Variants in NEDD4L observed in about 807,000 individuals in gnomAD.
The protein encoded by NEDD4L is E3 ubiquitin-protein ligase NEDD4-like.
A neutral mutation model predicts 148.9 loss-of-function variants in NEDD4L; 54 were observed. That is an observed-to-expected ratio of 0.36 (90% CI 0.29 to 0.45). The LOEUF (loss-of-function observed/expected upper bound fraction) is 0.45, where lower values mean the gene tolerates loss of function less well. NEDD4L is among the 20% of genes least tolerant of loss of function. The pLI is 1.00. For synonymous variants in NEDD4L, 433 were observed against 440.7 expected (o/e 0.98, Z 0.22); for missense variants, 856 against 1,233.8 (o/e 0.69, Z 4.59).
At chr18:58,050,213 G>C (rs997203054) in intron 1 of NEDD4L, among the ~76,000 whole-genome samples, 4 of 152,074 alleles carry the variant, frequency 2.6e-5, no homozygotes, top group Non-Finnish European at 5.9e-5. Flanking sequence ...CAGCACGTTG[G>C]AGGCCAAGGC....
intron 2 of NEDD4L, among the ~76,000 whole-genome samples, chr18:58,233,430 G>A (rs1162520242): frequency 6.6e-6 from 1 of 152,180 alleles, no homozygotes. Flanking sequence ...TGAAAGCCAA[G>A]GGAAAGGGGA....
chr18:58,066,719 T>G (rs1360745175), intron 1 of NEDD4L, among the ~76,000 whole-genome samples: 1 of 152,186 alleles, frequency 6.6e-6, no homozygotes, highest in Non-Finnish European at 1.5e-5. Flanking sequence ...TACAGGCTTC[T>G]GCTTCTGGGG....
intron 2 of NEDD4L, among the ~76,000 whole-genome samples, chr18:58,199,060 G>A (rs536518962): frequency 1.3e-5 from 2 of 152,284 alleles, no homozygotes; most frequent in South Asian, 2.1e-4. Context: ...CCAAAGTGCT[G>A]GGATTACAGG....
In NEDD4L at chr18:58,209,117, A is replaced by G. The variant is rs890054199; in HGVS notation, c.123-36310A>G. ...GGATAAGAAAGATAATAGATAAGAG[A>G]TTATAGTTCAAACTCGGCCTGCACT... On this transcript the variant is annotated intron_variant, in intron 2 of 30. Coordinates refer to ENST00000400345, the MANE Select transcript of NEDD4L (RefSeq NM_001144967.3). Among the ~76,000 whole-genome samples the G allele has an allele frequency of 2.7e-5, 4 of 150,048 alleles. No homozygotes were observed. The South Asian group carries it at 8.6e-4, about 32-fold the overall frequency.
chr18:58,228,304 C>T (rs1158510986), intron 2 of NEDD4L, among the ~76,000 whole-genome samples: 4 of 152,168 alleles, frequency 2.6e-5, no homozygotes, highest in African/African-American at 9.7e-5. Flanking sequence ...AGCTTGAGGG[C>T]CAGGAAGCCT....
intron 1 of NEDD4L, among the ~76,000 whole-genome samples, chr18:58,065,975 A>G (rs1211875320): frequency 6.6e-6 from 1 of 152,260 alleles, no homozygotes; most frequent in Non-Finnish European, 1.5e-5. Context: ...ATGTAATGGC[A>G]TATGAAATGC....
chr18:58,343,837 G>A (rs2042731175), intron 16 of NEDD4L, among the ~76,000 whole-genome samples: 1 of 152,180 alleles, frequency 6.6e-6, no homozygotes, highest in African/African-American at 2.4e-5. Flanking sequence ...GGCTTTTTCA[G>A]TGTAGTATAT....
chr18:58,227,845 T>C, intron 2 of NEDD4L: 6 of 978,430 alleles, frequency 6.1e-6, no homozygotes, highest in African/African-American at 1.8e-5. Context: ...GCTCCATTGC[T>C]GTTGAACTTT....
intron 1 of NEDD4L, among the ~76,000 whole-genome samples, chr18:58,102,518 A>G (rs192074281): frequency 6.6e-6 from 1 of 152,254 alleles, no homozygotes; most frequent in East Asian, 1.9e-4. Context: ...TTTGACATCA[A>G]ATTTTCTTCC....
At chr18:58,334,695 G>C (rs1346303042) in intron 12 of NEDD4L, among the ~76,000 whole-genome samples, 1 of 152,166 alleles carries the variant, frequency 6.6e-6, no homozygotes, top group African/African-American at 2.4e-5. Context: ...AGGGGGAAAA[G>C]TGCATTTAAG....
chr18:58,138,854 G>A (rs145708508), intron 1 of NEDD4L, among the ~76,000 whole-genome samples: 61 of 152,296 alleles, frequency 4.0e-4, no homozygotes, highest in African/African-American at 1.3e-3. Flanking sequence ...TTCCAATACC[G>A]CCATCTTGGG....
chr18:58,343,610 A>AC (rs1306442881), intron 16 of NEDD4L, among the ~76,000 whole-genome samples: 2 of 152,134 alleles, frequency 1.3e-5, no homozygotes, highest in Non-Finnish European at 2.9e-5. Context: ...TAGGGGATGT[A>AC]CTGAGTGACT....
At position 58,365,813 on chromosome 18, in the gene NEDD4L, G is replaced by A. The variant is rs572535384; in HGVS notation, c.1834-186G>A. ...GCTAGTGGATGCCGTGTGTCCCATC[G>A]TGACACAGCAAGGCTTTCTGTCTGC... On this transcript the variant is annotated intron_variant, in intron 20 of 30. Transcript: ENST00000400345. Among the ~76,000 whole-genome samples the A allele has an allele frequency of 5.3e-5, 8 of 152,286 alleles. No individual in the cohort carries two copies. In the South Asian group the frequency reaches 1.7e-3, roughly 32 times the overall value.
In NEDD4L at chr18:58,337,572, T is replaced by A. The variant is rs1167140125; in HGVS notation, c.1125+2035T>A. Among the ~76,000 whole-genome samples, 3 of 152,108 alleles carry A rather than the reference T, an allele frequency of 2.0e-5. No homozygotes were observed. The East Asian group carries it at 5.8e-4, about 29-fold the overall frequency. On this transcript the variant is annotated intron_variant, in intron 13 of 30. Coordinates refer to ENST00000400345, the MANE Select transcript of NEDD4L (RefSeq NM_001144967.3). ...ATAGGTACACATTGTGCCACTTTATTTTATTTTTTTTAAATGGGATGTCAT... is the reference window on the plus strand; with the variant it reads ...ATAGGTACACATTGTGCCACTTTATATTATTTTTTTTAAATGGGATGTCAT...
At chr18:58,385,392 A>G (rs890321319) in intron 25 of NEDD4L, 134 bp from the exon 26 acceptor site, 1 of 762,010 alleles carries the variant, frequency 1.3e-6, no homozygotes, top group Admixed American at 1.9e-5. Context: ...TAAACTAAAC[A>G]GTGGGGGCAC....
At chr18:58,218,495 C>T (rs1436244577) in intron 2 of NEDD4L, among the ~76,000 whole-genome samples, 1 of 152,200 alleles carries the variant, frequency 6.6e-6, no homozygotes, top group Admixed American at 6.5e-5. Context: ...TTCTGGGAGA[C>T]CCACCCCTGG....
chr18:58,080,408 G>A (rs1454655018), intron 1 of NEDD4L, among the ~76,000 whole-genome samples: 1 of 152,232 alleles, frequency 6.6e-6, no homozygotes, highest in Non-Finnish European at 1.5e-5. Context: ...GAAGCTTGTG[G>A]GTTTGATATG....
intron 18 of NEDD4L, among the ~76,000 whole-genome samples, chr18:58,356,395 ACT>A (rs2044663827): frequency 6.9e-6 from 1 of 144,158 alleles, no homozygotes; most frequent in African/African-American, 2.6e-5. Context: ...AGTCCATTGC[ACT>A]CTCTCTCCCT....
At chr18:58,372,195 C>T (rs2146304391) in intron 23 of NEDD4L, 1 of 152,308 alleles carries the variant, frequency 6.6e-6, no homozygotes, top group Non-Finnish European at 1.5e-5. Context: ...TTCACTGCAG[C>T]CTCTATCCCC....
Sources: gnomAD v4.1 joint callset for allele counts (sites outside exome capture counted in the v4.1 genomes callset) on GRCh38, gnomAD v4.1.1 for gene constraint, MANE v1.5 for transcripts, NCBI Gene and HGNC (gene_info 2026-07-23, HGNC 2026-07-21) for gene names.